LUZP2: variants seen among roughly 807,000 people sequenced by gnomAD.
LUZP2 encodes the protein leucine zipper protein 2.
Under a neutral mutation model 51.6 loss-of-function variants are expected in LUZP2, and 52 were observed. The observed-to-expected ratio is 1.01, with a 90% CI of 0.81 to 1.27. LUZP2 has a LOEUF of 1.27. Among genes scored for constraint, LUZP2 ranks in the 50% most tolerant of loss-of-function variants. The pLI, the probability that LUZP2 is intolerant of heterozygous loss-of-function variation, is 0.00. For synonymous variants in LUZP2, 154 were observed against 137.3 expected (o/e 1.12, Z -0.85); for missense variants, 436 against 395.4 (o/e 1.10, Z -0.87).
At position 24,545,114 on chromosome 11, in the gene LUZP2, C is replaced by T. The variant is rs546974632; in HGVS notation, c.62+47809C>T. 4.0e-5 allele frequency among the ~76,000 whole-genome samples: 6 copies of T among 149,862 alleles called. No individual in the cohort carries two copies. In the South Asian group the frequency reaches 8.4e-4, roughly 21 times the overall value. ...GAAAAATGTCTGTTCATGTCCTTTG[C>T]CCACTCTTTAATTTTTTTTTTCTTG... On this transcript the variant is annotated intron_variant, in intron 1 of 11. Coordinates refer to ENST00000336930, the MANE Select transcript of LUZP2 (RefSeq NM_001009909.4).
At chr11:24,655,199 G>A (rs1408989787) in intron 1 of LUZP2, among the ~76,000 whole-genome samples, 1 of 152,066 alleles carries the variant, frequency 6.6e-6, no homozygotes, top group Non-Finnish European at 1.5e-5. Flanking sequence ...GCTTATTTGT[G>A]CCAACAGAGA....
At chr11:24,899,343 T>C (rs1473790292) in intron 5 of LUZP2, among the ~76,000 whole-genome samples, 3 of 151,948 alleles carry the variant, frequency 2.0e-5, no homozygotes, top group African/African-American at 7.2e-5. Context: ...TTGTACCACT[T>C]CCTACATTTG....
At chr11:24,856,005 G>C (rs1435975200) in intron 5 of LUZP2, among the ~76,000 whole-genome samples, 1 of 151,992 alleles carries the variant, frequency 6.6e-6, no homozygotes, top group Non-Finnish European at 1.5e-5. Context: ...TAAAATCCTA[G>C]GAAAGAAATC....
At chr11:24,597,437 A>G (rs781334983) in intron 1 of LUZP2, among the ~76,000 whole-genome samples, 21 of 152,210 alleles carry the variant, frequency 1.4e-4, no homozygotes, top group Non-Finnish European at 2.6e-4. Flanking sequence ...CAGCCTATAC[A>G]TTCAAAGGTT....
intron 1 of LUZP2, among the ~76,000 whole-genome samples, chr11:24,566,208 A>T (rs1226830693): frequency 1.3e-5 from 2 of 151,750 alleles, no homozygotes; most frequent in Non-Finnish European, 2.9e-5. Flanking sequence ...AATATAACCA[A>T]AAGTAACTGT....
intron 1 of LUZP2, among the ~76,000 whole-genome samples, chr11:24,521,321 A>C (rs2133801574): frequency 8.1e-6 from 1 of 123,746 alleles, no homozygotes; most frequent in Middle Eastern, 5.1e-3. Flanking sequence ...ATTGCACTTC[A>C]GCCTGTGTGA....
chr11:24,594,286 G>A (rs1019806574), intron 1 of LUZP2, among the ~76,000 whole-genome samples: 4 of 152,174 alleles, frequency 2.6e-5, no homozygotes, highest in African/African-American at 9.6e-5. Context: ...CTTGGGCAGT[G>A]TTTTGACAGA....
intron 1 of LUZP2, among the ~76,000 whole-genome samples, chr11:24,663,412 T>G (rs1292155049): frequency 2.6e-5 from 4 of 152,186 alleles, no homozygotes; most frequent in African/African-American, 9.6e-5. Flanking sequence ...CCATGCTTCC[T>G]GTATAGCCTG....
At position 25,009,915 on chromosome 11, in the gene LUZP2, C is replaced by T. The variant is rs557804586; in HGVS notation, c.765+26622C>T. 2.0e-5 allele frequency among the ~76,000 whole-genome samples: 3 copies of T among 152,276 alleles called. 1 individual carries two copies. The South Asian group carries it at 6.2e-4, about 32-fold the overall frequency. On this transcript the variant is annotated intron_variant, in intron 9 of 11. Transcript: ENST00000336930. ...CCTTTCCCCTTCATCTTTACTTTCA[C>T]TTTGAGCCAATTAAGGATATTTTAG...
rs577210084 is a variant in LUZP2 at position 25,062,095 on chromosome 11, A to G, written c.858+11965A>G. ...AAGAAGAAAGGAAAAACAAAAAACG[A>G]AAAACAGAGGGAAGGGAGAAGAAGA... On this transcript the variant is annotated intron_variant, in intron 10 of 11. Transcript: ENST00000336930. 2.0e-5 allele frequency among the ~76,000 whole-genome samples: 3 copies of G among 150,966 alleles called. No individual in the cohort carries two copies. In the East Asian group the frequency reaches 5.8e-4, roughly 29 times the overall value.
intron 5 of LUZP2, among the ~76,000 whole-genome samples, chr11:24,811,543 T>C (rs1850022928): frequency 2.6e-5 from 4 of 152,084 alleles, no homozygotes. Context: ...TGCAGGTTTG[T>C]TACATAGATA....
At chr11:25,021,947 C>T (rs1367499634) in intron 9 of LUZP2, among the ~76,000 whole-genome samples, 1 of 151,778 alleles carries the variant, frequency 6.6e-6, no homozygotes, top group African/African-American at 2.4e-5. Context: ...CTCATGTCTT[C>T]CACTCCAACT....
At chr11:24,518,491 C>G (rs1850547094) in intron 1 of LUZP2, among the ~76,000 whole-genome samples, 1 of 152,042 alleles carries the variant, frequency 6.6e-6, no homozygotes. Context: ...ATTTCTTCCT[C>G]CTTTTTAAAA....
At chr11:24,768,712 T>A (rs77779569) in intron 5 of LUZP2, among the ~76,000 whole-genome samples, 12,213 of 152,128 alleles carry the variant, frequency 0.08, 1,060 homozygotes, top group African/African-American at 0.22. Context: ...AAATATCAAC[T>A]CACTTCAGTT....
At chr11:24,724,044 G>A (rs989685218) in intron 1 of LUZP2, among the ~76,000 whole-genome samples, 3 of 152,082 alleles carry the variant, frequency 2.0e-5, no homozygotes, top group African/African-American at 7.2e-5. Flanking sequence ...GGAGGGTAAA[G>A]GTAATGAATG....
Position 24,497,160 on chromosome 11 carries a change from C to A in LUZP2, c.-84C>A. The A allele has an allele frequency of 7.8e-7, 1 of 1,285,280 alleles. No individual in the cohort carries two copies. Among genetic ancestry groups the A allele is most frequent in the Non-Finnish European group, 1.1e-6 (1 of 946,586 alleles). 79.6% of individuals were successfully genotyped at this position (1,285,280 alleles called of 1,614,324 possible). ...AAGAGCGCTCATCACTGGCTGGGGACAGAGCCGGGCACCAAGGAGCGACAG... is the reference window on the plus strand; with the variant it reads ...AAGAGCGCTCATCACTGGCTGGGGAAAGAGCCGGGCACCAAGGAGCGACAG... On this transcript the variant is annotated 5_prime_UTR_variant, in exon 1 of 12. Coordinates refer to ENST00000336930, the MANE Select transcript of LUZP2 (RefSeq NM_001009909.4).
chr11:24,892,200 C>T, intron 5 of LUZP2: 1 of 985,454 alleles, frequency 1.0e-6, no homozygotes, highest in Non-Finnish European at 1.2e-6. Context: ...TGGTTGTGAT[C>T]TGTGAGGAAA....
At chr11:24,566,594 G>GTA (rs199745442) in intron 1 of LUZP2, among the ~76,000 whole-genome samples, 63 of 130,702 alleles carry the variant, frequency 4.8e-4, no homozygotes, top group Admixed American at 2.5e-3. Context: ...ATGTATGTGT[G>GTA]TATATATATA....
chr11:24,711,466 T>G (rs1857823055), intron 1 of LUZP2, among the ~76,000 whole-genome samples: 1 of 149,266 alleles, frequency 6.7e-6, no homozygotes, highest in South Asian at 2.1e-4. Context: ...AATAAATAAA[T>G]AAATAAATAA....
Sources: gnomAD v4.1 joint callset for allele counts (sites outside exome capture counted in the v4.1 genomes callset) on GRCh38, gnomAD v4.1.1 for gene constraint, MANE v1.5 for transcripts, NCBI Gene and HGNC (gene_info 2026-07-23, HGNC 2026-07-21) for gene names.